Variants in SPHKAP observed in about 807,000 individuals in gnomAD.
SPHKAP encodes the protein A-kinase anchor protein SPHKAP.
A neutral mutation model predicts 137.5 loss-of-function variants in SPHKAP; 67 were observed. The observed-to-expected ratio is 0.49, with a 90% CI of 0.40 to 0.60. SPHKAP has a LOEUF of 0.60. SPHKAP is among the 20% of genes least tolerant of loss of function. The pLI is 0.00. For synonymous variants in SPHKAP, 813 were observed against 785.3 expected (o/e 1.04, Z -0.59); for missense variants, 2,097 against 2,069.3 (o/e 1.01, Z -0.26).
intron 3 of SPHKAP, among the ~76,000 whole-genome samples, chr2:228,093,873 A>AAAAC (rs1384294875): frequency 6.1e-5 from 9 of 148,596 alleles, no homozygotes; most frequent in Non-Finnish European, 1.3e-4. Flanking sequence ...AAAAAAAAAA[A>AAAAC]AAAAAAAAAA....
chr2:227,984,919 A>G (rs1693159363), intron 11 of SPHKAP, among the ~76,000 whole-genome samples: 1 of 151,848 alleles, frequency 6.6e-6, no homozygotes, highest in Admixed American at 6.6e-5. Flanking sequence ...CTTTCTGTAA[A>G]CCGTGGCTTA....
At chr2:228,159,082 G>A (rs1173537156) in intron 1 of SPHKAP, among the ~76,000 whole-genome samples, 1 of 152,106 alleles carries the variant, frequency 6.6e-6, no homozygotes, top group African/African-American at 2.4e-5. Context: ...TTCCAGTCTG[G>A]ACTGTAGGGT....
At chr2:228,162,706 T>C (rs980951779) in intron 1 of SPHKAP, among the ~76,000 whole-genome samples, 1 of 152,088 alleles carries the variant, frequency 6.6e-6, no homozygotes, top group Non-Finnish European at 1.5e-5. Context: ...TATTTATTTA[T>C]TTATTTTTTT....
At chr2:227,999,252 C>T (rs1490680750) in intron 7 of SPHKAP, among the ~76,000 whole-genome samples, 1 of 152,080 alleles carries the variant, frequency 6.6e-6, no homozygotes, top group Admixed American at 6.5e-5. Context: ...TGCTATGCTG[C>T]TAACACTTTG....
intron 7 of SPHKAP, among the ~76,000 whole-genome samples, chr2:228,002,658 ATGGTAT>A (rs1435644289): frequency 6.6e-6 from 1 of 152,146 alleles, no homozygotes; most frequent in East Asian, 1.9e-4. Flanking sequence ...TATGTCCTGA[ATGGTAT>A]TGCCTAGGTT....
chr2:228,068,902 GAGT>G (rs912693423), intron 3 of SPHKAP, among the ~76,000 whole-genome samples: 2 of 152,212 alleles, frequency 1.3e-5, no homozygotes, highest in African/African-American at 4.8e-5. Flanking sequence ...TTCGAGTGGT[GAGT>G]AGGTTTTTCT....
At chr2:228,003,546 A>G (rs1693995116) in intron 7 of SPHKAP, among the ~76,000 whole-genome samples, 1 of 151,976 alleles carries the variant, frequency 6.6e-6, no homozygotes, top group African/African-American at 2.4e-5. Context: ...CTAATTGAAT[A>G]CCTTTATTTC....
intron 8 of SPHKAP, among the ~76,000 whole-genome samples, chr2:227,995,268 C>G (rs1693591982): frequency 6.6e-6 from 1 of 152,172 alleles, no homozygotes; most frequent in Non-Finnish European, 1.5e-5. Flanking sequence ...CTGGGGCTTG[C>G]AGGGAAGGGA....
intron 2 of SPHKAP, among the ~76,000 whole-genome samples, chr2:228,116,679 G>A (rs1698719337): frequency 1.3e-5 from 2 of 152,140 alleles, no homozygotes; most frequent in African/African-American, 4.8e-5. Context: ...TGCTGTGGGT[G>A]AGCCCAAAGT....
At chr2:228,052,530 G>T (rs1231602160) in intron 3 of SPHKAP, among the ~76,000 whole-genome samples, 2 of 152,130 alleles carry the variant, frequency 1.3e-5, no homozygotes, top group Non-Finnish European at 2.9e-5. Context: ...AGACATCAGA[G>T]CAATATCATT....
At chr2:228,061,769 G>GTA (rs1267694996) in intron 3 of SPHKAP, among the ~76,000 whole-genome samples, 13 of 149,940 alleles carry the variant, frequency 8.7e-5, no homozygotes, top group African/African-American at 2.0e-4. Flanking sequence ...ACACACATAT[G>GTA]TATATATATA....
Position 228,024,361 on chromosome 2 carries a change from T to TAAAA in SPHKAP, c.441+1032_441+1033insTTTT, listed in dbSNP as rs1553614221. 1.5e-3 allele frequency among the ~76,000 whole-genome samples: 224 copies of TAAAA among 145,178 alleles called. 2 individuals carry two copies. The highest frequency in any genetic ancestry group is 2.1e-3 in the Non-Finnish European group (136 of 65,806). On this transcript the variant is annotated intron_variant, in intron 5 of 11. Transcript: ENST00000392056. ...GAGGCAGTTTTTTTTTTTTTTTTTTTAAATCTGTGAATTCTAGAAAGAAAA... is the reference window on the plus strand; with the variant it reads ...GAGGCAGTTTTTTTTTTTTTTTTTTTAAAAAAATCTGTGAATTCTAGAAAGAAAA...
intron 3 of SPHKAP, among the ~76,000 whole-genome samples, chr2:228,104,226 A>G (rs1698263313): frequency 6.9e-6 from 1 of 145,816 alleles, no homozygotes; most frequent in African/African-American, 2.5e-5. Context: ...ATTAAATATT[A>G]TATGTTATAT....
intron 1 of SPHKAP, among the ~76,000 whole-genome samples, chr2:228,135,274 CAAA>C (rs11435994): frequency 1.0e-5 from 1 of 95,438 alleles, no homozygotes; most frequent in Non-Finnish European, 2.0e-5. Flanking sequence ...AACTCTGTCT[CAAA>C]AAAAAAAAAA....
chr2:228,011,362 C>A (rs1694359953), intron 7 of SPHKAP, among the ~76,000 whole-genome samples: 1 of 152,056 alleles, frequency 6.6e-6, no homozygotes. Flanking sequence ...ATTCGCAGAC[C>A]CTCATTTCCT....
At chr2:228,070,852 A>C (rs1427234515) in intron 3 of SPHKAP, among the ~76,000 whole-genome samples, 2 of 152,150 alleles carry the variant, frequency 1.3e-5, no homozygotes, top group Non-Finnish European at 1.5e-5. Context: ...AAAGGTCCTT[A>C]TGACACCCTG....
At chr2:228,034,095 GT>G (rs1187699546) in intron 3 of SPHKAP, among the ~76,000 whole-genome samples, 1 of 152,090 alleles carries the variant, frequency 6.6e-6, no homozygotes, top group African/African-American at 2.4e-5. Flanking sequence ...CCAGGAGCTG[GT>G]TTTTTGAAAA....
At position 227,981,719 on chromosome 2, in the gene SPHKAP, A is replaced by T; in HGVS notation, c.5101T>A (p.Ter1701LysextTer1). ...SLFDWLLELG[*>K] ...GATCTATACGGCAGACTGCCTTATT[A>T]TCCCAGTTCCAAGAGCCAGTCAAAG... Residue 1701 changes from the stop codon to lysine, a stop_lost, in exon 12 of 12, where the codon TAA becomes AAA. Coordinates refer to ENST00000392056, the MANE Select transcript of SPHKAP (RefSeq NM_001142644.2). The T allele has an allele frequency of 6.2e-7, 1 of 1,612,872 alleles. No homozygotes were observed. The highest frequency in any genetic ancestry group is 8.5e-7 in the Non-Finnish European group (1 of 1,179,366).
rs976590498 is a variant in SPHKAP, at chr2:228,017,751, C to A, written c.3103G>T (p.Val1035Phe). The A allele has an allele frequency of 6.2e-7, 1 of 1,614,144 alleles. No individual in the cohort carries two copies. The highest frequency in any genetic ancestry group is 8.5e-7 in the Non-Finnish European group (1 of 1,180,032). ...SMNLEDVPDS[V>F]NLFANEVAAK... ...GCCACTTCATTGGCAAAAAGATTGA[C>A]AGAATCTGGGACATCTTCAAGGTTC... The change falls in exon 7 of 12, where the codon GTC becomes TTC. Residue 1035 changes from valine to phenylalanine, a missense_variant. By Grantham distance (50) the Val-to-Phe change is conservative. Coordinates refer to ENST00000392056, the MANE Select transcript of SPHKAP (RefSeq NM_001142644.2).
Sources: gnomAD v4.1 joint callset for allele counts (sites outside exome capture counted in the v4.1 genomes callset) on GRCh38, gnomAD v4.1.1 for gene constraint, MANE v1.5 for transcripts, NCBI Gene and HGNC (gene_info 2026-07-23, HGNC 2026-07-21) for gene names.